Variants in ANKRD50 observed in about 807,000 individuals in gnomAD.
The protein encoded by ANKRD50 is ankyrin repeat domain-containing protein 50.
Under a neutral mutation model 112.0 loss-of-function variants are expected in ANKRD50, and 40 were observed. That is an observed-to-expected ratio of 0.36 (90% CI 0.28 to 0.46). The LOEUF (loss-of-function observed/expected upper bound fraction) is 0.46. Among genes scored for constraint, ANKRD50 ranks in the 20% least tolerant of loss-of-function variants. The pLI is 1.00. For missense variants in ANKRD50, 1,487 were observed against 1,701.7 expected (o/e 0.87, Z 2.22); for synonymous variants, 613 against 619.1 (o/e 0.99, Z 0.15).
At chr4:124,676,976 C>T (rs1176136806) in intron 3 of ANKRD50, among the ~76,000 whole-genome samples, 1 of 151,352 alleles carries the variant, frequency 6.6e-6, no homozygotes, top group Non-Finnish European at 1.5e-5. Flanking sequence ...TTTTCACATA[C>T]CACATTGACA....
intron 2 of ANKRD50, among the ~76,000 whole-genome samples, chr4:124,684,387 T>C (rs1724958212): frequency 6.6e-6 from 1 of 152,140 alleles, no homozygotes; most frequent in Non-Finnish European, 1.5e-5. Flanking sequence ...TCAAAAGCTA[T>C]GGGGATGTAC....
intron 2 of ANKRD50, among the ~76,000 whole-genome samples, chr4:124,690,952 T>C (rs896878412): frequency 6.6e-6 from 1 of 152,224 alleles, no homozygotes; most frequent in Non-Finnish European, 1.5e-5. Context: ...TTAAATAGTA[T>C]AGGCATACAT....
At chr4:124,684,262 G>T (rs558877308) in intron 2 of ANKRD50, among the ~76,000 whole-genome samples, 118 of 152,198 alleles carry the variant, frequency 7.8e-4, no homozygotes, top group Non-Finnish European at 1.4e-3. Context: ...TTCTGGATCA[G>T]CAATTAAAAG....
At chr4:124,697,721 G>C (rs1725283938) in intron 2 of ANKRD50, among the ~76,000 whole-genome samples, 1 of 152,042 alleles carries the variant, frequency 6.6e-6, no homozygotes, top group South Asian at 2.1e-4. Context: ...CAGGTATTCT[G>C]TTATAGGAAC....
intron 2 of ANKRD50, among the ~76,000 whole-genome samples, chr4:124,709,014 T>C (rs1419012796): frequency 1.3e-5 from 2 of 150,158 alleles, no homozygotes; most frequent in Non-Finnish European, 3.0e-5. Context: ...TCACTCTTTT[T>C]AGAGTGATTC....
Position 124,665,614 on chromosome 4 carries a change from T to C in ANKRD50, c.*1904A>G, listed in dbSNP as rs899112831. 6.6e-6 allele frequency: 1 copy of C among 152,550 alleles called. No homozygotes were observed. Among genetic ancestry groups the C allele is most frequent in the East Asian group, 1.9e-4 (1 of 5,160 alleles). 9.4% of individuals were successfully genotyped at this position (152,550 alleles called of 1,614,324 possible). ...TAATAATAGTATGTGTTCATATTTA[T>C]TAATAGACTCATTAACACTTTTAAG... On this transcript the variant is annotated 3_prime_UTR_variant, in exon 5 of 5. Coordinates refer to ENST00000504087, the MANE Select transcript of ANKRD50 (RefSeq NM_020337.3).
In ANKRD50 at chr4:124,670,307, G is replaced by A. The variant is rs1730608560; in HGVS notation, c.2970C>T (p.Gly990=). The change falls in exon 4 of 5, where the codon GGC becomes GGT. Residue 990 remains glycine (G), a synonymous_variant. Transcript: ENST00000504087. ...RTALHVSCWQ[G]HMEMVQVLIA... ...TCAGGACCTGCACCATTTCCATATG[G>A]CCTTGCCAACAAGACACATGAAGTG... The A allele has an allele frequency of 6.2e-7, 1 of 1,613,794 alleles. No homozygotes were observed. The highest frequency in any genetic ancestry group is 1.3e-5 in the African/African-American group (1 of 74,888).
At chr4:124,709,186 G>C (rs781486924) in intron 2 of ANKRD50, among the ~76,000 whole-genome samples, 1 of 151,716 alleles carries the variant, frequency 6.6e-6, no homozygotes, top group Non-Finnish European at 1.5e-5. Context: ...AATTCAAGCA[G>C]AAGTGAAGCA....
intron 2 of ANKRD50, among the ~76,000 whole-genome samples, chr4:124,704,265 G>T (rs563699084): frequency 1.4e-4 from 22 of 152,264 alleles, no homozygotes; most frequent in African/African-American, 4.1e-4. Flanking sequence ...GATAATGACA[G>T]TTATTTTAAA....
chr4:124,670,588 G>T lies in ANKRD50; in HGVS notation c.2689C>A (p.Gln897Lys). 1 of 1,613,014 alleles carries T rather than the reference G, an allele frequency of 6.2e-7. No individual in the cohort carries two copies. Among genetic ancestry groups the T allele is most frequent in the Non-Finnish European group, 8.5e-7 (1 of 1,179,694 alleles). Residue 897 changes from glutamine (Q) to lysine (K), a missense_variant, in exon 4 of 5, where the codon CAA becomes AAA. Gln to Lys is a moderately conservative substitution (Grantham distance 53). Transcript: ENST00000504087. ...TTGGATTTGTTTTCCAGTAATATTTGAACACAATCATAATGACCCTCTTGT... is the reference window on the plus strand; with the variant it reads ...TTGGATTTGTTTTCCAGTAATATTTTAACACAATCATAATGACCCTCTTGT... ...ASQEGHYDCV[Q>K]ILLENKSNID... is the part of the protein sequence containing the mutation.
chr4:124,678,192 T>C (rs1724777736), intron 3 of ANKRD50, among the ~76,000 whole-genome samples: 1 of 152,146 alleles, frequency 6.6e-6, no homozygotes, highest in South Asian at 2.1e-4. Context: ...GATATGTCCT[T>C]GTTTTACACT....
chr4:124,683,061 C>T (rs1724929090), intron 2 of ANKRD50, among the ~76,000 whole-genome samples: 1 of 151,630 alleles, frequency 6.6e-6, no homozygotes, highest in South Asian at 2.1e-4. Context: ...TATACACACA[C>T]ATACATACAT....
chr4:124,683,069 CAT>C (rs990488450), intron 2 of ANKRD50, among the ~76,000 whole-genome samples: 17 of 151,570 alleles, frequency 1.1e-4, no homozygotes, highest in Non-Finnish European at 1.9e-4. Flanking sequence ...CACATACATA[CAT>C]ATATACACAC....
At chr4:124,680,877 C>A (rs1251540684) in intron 2 of ANKRD50, among the ~76,000 whole-genome samples, 1 of 151,752 alleles carries the variant, frequency 6.6e-6, no homozygotes, top group Non-Finnish European at 1.5e-5. Flanking sequence ...GTTGAGGCAA[C>A]AGCACATGCA....
Position 124,672,211 on chromosome 4 carries a change from C to T in ANKRD50, c.1066G>A (p.Val356Met). 1 of 1,613,872 alleles carries T rather than the reference C, an allele frequency of 6.2e-7. No individual in the cohort carries two copies. Among genetic ancestry groups the T allele is most frequent in the Non-Finnish European group, 8.5e-7 (1 of 1,179,858 alleles). The change falls in exon 4 of 5, where the codon GTG becomes ATG. Residue 356 changes from valine (V) to methionine (M), a missense_variant. Transcript: ENST00000504087. Reference protein sequence around the residue: ...QFAKVQPILNVILAACRPLTI... With the variant: ...QFAKVQPILNMILAACRPLTI... The stretch of plus-strand genomic sequence containing the variant: ...AAAGGTCGGCAGGCTGCAAGAATCA[C>T]ATTCAAAATAGGCTGAACCTTTGCA...
intron 2 of ANKRD50, among the ~76,000 whole-genome samples, chr4:124,708,854 TGAG>T (rs941155541): frequency 1.1e-4 from 17 of 152,084 alleles, no homozygotes; most frequent in African/African-American, 4.1e-4. Context: ...AGGATTATTA[TGAG>T]GATTAAATGA....
chr4:124,692,395 T>A (rs958410844), intron 2 of ANKRD50, among the ~76,000 whole-genome samples: 3 of 152,140 alleles, frequency 2.0e-5, no homozygotes, highest in Non-Finnish European at 4.4e-5. Context: ...AGGGAGGTAA[T>A]GGTTGGGGGG....
At chr4:124,691,485 C>T (rs1394378113) in intron 2 of ANKRD50, among the ~76,000 whole-genome samples, 1 of 103,318 alleles carries the variant, frequency 9.7e-6, no homozygotes, top group East Asian at 3.1e-4. Flanking sequence ...GGCGACAGAG[C>T]GAGACTCCGT....
At chr4:124,679,708 G>T (rs1436161723) in intron 2 of ANKRD50, among the ~76,000 whole-genome samples, 1 of 152,140 alleles carries the variant, frequency 6.6e-6, no homozygotes, top group Non-Finnish European at 1.5e-5. Context: ...TGTTCTAAAA[G>T]TGTGTTTTCT....
Sources: allele counts gnomAD v4.1 joint callset (sites outside exome capture counted in the v4.1 genomes callset), GRCh38; gene constraint gnomAD v4.1.1; transcripts MANE v1.5; gene names NCBI Gene and HGNC (gene_info 2026-07-23, HGNC 2026-07-21).